Variants in CERT1 observed in about 807,000 individuals in gnomAD.
CERT1 encodes the protein ceramide transfer protein.
CERT1 carries 31 observed loss-of-function variants against 87.9 expected under a neutral mutation model. The ratio of observed to expected loss-of-function variants is 0.35; its 90% confidence interval spans 0.27 to 0.48. CERT1 has a LOEUF of 0.48. Among genes scored for constraint, CERT1 ranks in the 20% least tolerant of loss-of-function variants. The pLI is 0.99. For missense variants in CERT1, 487 were observed against 758.0 expected, an observed-to-expected ratio of 0.64 and a Z score of 4.20; for synonymous variants, 289 against 250.9, an observed-to-expected ratio of 1.15 and a Z score of -1.44.
chr5:75,471,754 C>CAAAAA (rs796209502), intron 2 of CERT1, among the ~76,000 whole-genome samples: 77 of 50,188 alleles, frequency 1.5e-3, no homozygotes, highest in East Asian at 2.5e-3. Flanking sequence ...GACTTCATCT[C>CAAAAA]AAAAAAAAAA....
chr5:75,440,293 A>G (rs1378695250), intron 3 of CERT1, among the ~76,000 whole-genome samples: 1 of 152,036 alleles, frequency 6.6e-6, no homozygotes, highest in Non-Finnish European at 1.5e-5. Flanking sequence ...ATTAAACAGG[A>G]TTTTTATCAT....
chr5:75,427,964 A>G (rs1763693954), intron 3 of CERT1, among the ~76,000 whole-genome samples: 1 of 152,210 alleles, frequency 6.6e-6, no homozygotes, highest in African/African-American at 2.4e-5. Context: ...ATTTAAAGTT[A>G]CAAACATTTC....
chr5:75,464,623 T>C (rs1209116629), intron 2 of CERT1, among the ~76,000 whole-genome samples: 1 of 152,168 alleles, frequency 6.6e-6, no homozygotes, highest in Admixed American at 6.5e-5. Flanking sequence ...CTTTGTGACC[T>C]AGGCTGGAGT....
chr5:75,389,820 T>C (rs1761958134), intron 11 of CERT1, 133 bp from the exon 12 acceptor site: 2 of 653,288 alleles, frequency 3.1e-6, no homozygotes, highest in East Asian at 2.7e-5. Flanking sequence ...CAAAGGTTAG[T>C]AGGTTTTACA....
At chr5:75,506,951 C>A (rs1358300914) in intron 1 of CERT1, among the ~76,000 whole-genome samples, 3 of 152,090 alleles carry the variant, frequency 2.0e-5, no homozygotes, top group Non-Finnish European at 4.4e-5. Flanking sequence ...TTTATCTATG[C>A]TCTGGGGTGT....
chr5:75,388,045 G>A (rs1761871017), intron 12 of CERT1, among the ~76,000 whole-genome samples: 1 of 152,198 alleles, frequency 6.6e-6, no homozygotes, highest in South Asian at 2.1e-4. Flanking sequence ...AATAAGGCAG[G>A]TCTGGCTCAA....
At chr5:75,409,766 A>T (rs963700164) in intron 8 of CERT1, among the ~76,000 whole-genome samples, 3 of 150,098 alleles carry the variant, frequency 2.0e-5, no homozygotes, top group Non-Finnish European at 3.0e-5. Context: ...TGACCTTGTG[A>T]TCCCCCCGCC....
intron 2 of CERT1, among the ~76,000 whole-genome samples, chr5:75,499,086 A>C (rs1767218483): frequency 6.6e-6 from 1 of 152,154 alleles, no homozygotes; most frequent in Non-Finnish European, 1.5e-5. Context: ...TCCCATTTGG[A>C]ATAGGTGTAT....
At chr5:75,434,186 G>GTTT (rs370209071) in intron 3 of CERT1, among the ~76,000 whole-genome samples, 49 of 126,744 alleles carry the variant, frequency 3.9e-4, no homozygotes, top group African/African-American at 7.4e-4. Context: ...GTTTGTTGAG[G>GTTT]TTTTTTTTTT....
chr5:75,411,847 A>C (rs781378407), intron 7 of CERT1, among the ~76,000 whole-genome samples: 1 of 152,238 alleles, frequency 6.6e-6, no homozygotes, highest in Non-Finnish European at 1.5e-5. Context: ...AAAAGAACTC[A>C]GTAGGTGGGA....
At chr5:75,489,747 G>A (rs1254193065) in intron 2 of CERT1, among the ~76,000 whole-genome samples, 2 of 152,254 alleles carry the variant, frequency 1.3e-5, no homozygotes, top group East Asian at 1.9e-4. Flanking sequence ...AGATGCTGGA[G>A]AGGATGTGGA....
chr5:75,404,291 T>TAAAAA (rs11349407), intron 8 of CERT1, among the ~76,000 whole-genome samples: 1,283 of 83,884 alleles, frequency 0.015, 29 homozygotes, highest in African/African-American at 0.05. Flanking sequence ...ACCTACTTCA[T>TAAAAA]AAAAAAAAAA....
chr5:75,463,298 C>G (rs1406020598), intron 2 of CERT1, among the ~76,000 whole-genome samples: 1 of 152,094 alleles, frequency 6.6e-6, no homozygotes, highest in African/African-American at 2.4e-5. Flanking sequence ...CAATTAAATA[C>G]TAAGGATAAG....
intron 2 of CERT1, among the ~76,000 whole-genome samples, chr5:75,494,255 T>C (rs1191474683): frequency 6.6e-6 from 1 of 152,230 alleles, no homozygotes; most frequent in Non-Finnish European, 1.5e-5. Flanking sequence ...GTTGGGCTAC[T>C]TTGCTAGGGA....
chr5:75,417,128 G>T, intron 6 of CERT1, 95 bp from the exon 7 acceptor site: 1 of 1,026,332 alleles, frequency 9.7e-7, no homozygotes, highest in Non-Finnish European at 1.4e-6. Flanking sequence ...TAGCAAGTCA[G>T]AGCAGGTTTT....
At chr5:75,436,284 C>T (rs1345183478) in intron 3 of CERT1, among the ~76,000 whole-genome samples, 5 of 152,184 alleles carry the variant, frequency 3.3e-5, no homozygotes, top group Non-Finnish European at 5.9e-5. Context: ...CTGCCCGCCT[C>T]GGCCTCCCTA....
At chr5:75,419,622 ATC>A (rs145618880) in intron 5 of CERT1, among the ~76,000 whole-genome samples, 198 bp from the exon 6 acceptor site, 5 of 151,904 alleles carry the variant, frequency 3.3e-5, no homozygotes, top group African/African-American at 4.8e-5. Context: ...CAAAATCTTA[ATC>A]TCTCTCTCTC....
At chr5:75,475,435 A>G (rs1400431512) in intron 2 of CERT1, among the ~76,000 whole-genome samples, 1 of 152,072 alleles carries the variant, frequency 6.6e-6, no homozygotes, top group African/African-American at 2.4e-5. Flanking sequence ...CACCTTCCCA[A>G]ATCTTAACTT....
intron 14 of CERT1, among the ~76,000 whole-genome samples, chr5:75,383,786 T>C (rs1185599627): frequency 6.6e-6 from 1 of 152,220 alleles, no homozygotes; most frequent in Non-Finnish European, 1.5e-5. Flanking sequence ...TCTTTTATAA[T>C]GTTTAATACT....
Sources: allele counts gnomAD v4.1 joint callset (sites outside exome capture counted in the v4.1 genomes callset), GRCh38; gene constraint gnomAD v4.1.1; transcripts MANE v1.5; gene names NCBI Gene and HGNC (gene_info 2026-07-23, HGNC 2026-07-21).